The following PTPRG variants were observed in gnomAD, a reference collection of about 807,000 sequenced individuals.
PTPRG encodes the protein protein tyrosine phosphatase receptor type G.
A neutral mutation model predicts 165.3 loss-of-function variants in PTPRG; 102 were observed. The observed-to-expected ratio is 0.62, with a 90% CI of 0.53 to 0.73. The LOEUF (loss-of-function observed/expected upper bound fraction) is 0.73, where lower values mean the gene tolerates loss of function less well. Among genes scored for constraint, PTPRG ranks in the 30% least tolerant of loss-of-function variants. The pLI is 0.00. For missense variants in PTPRG, 1,866 were observed against 1,861.4 expected, an observed-to-expected ratio of 1.00 and a Z score of -0.05; for synonymous variants, 675 against 669.5, an observed-to-expected ratio of 1.01 and a Z score of -0.13.
At chr3:62,031,292 A>G (rs1699761323) in intron 4 of PTPRG, among the ~76,000 whole-genome samples, 2 of 152,216 alleles carry the variant, frequency 1.3e-5, no homozygotes, top group African/African-American at 4.8e-5. Context: ...GTTTACTTCC[A>G]AAGAAGAGTG....
At chr3:61,657,784 A>G (rs2107011369) in intron 1 of PTPRG, among the ~76,000 whole-genome samples, 1 of 152,342 alleles carries the variant, frequency 6.6e-6, no homozygotes, top group African/African-American at 2.4e-5. Context: ...TCCCACGCTT[A>G]AAAAGTGGGA....
intron 2 of PTPRG, among the ~76,000 whole-genome samples, chr3:61,878,137 C>CT (rs1575745686): frequency 6.6e-6 from 1 of 152,168 alleles, no homozygotes. Context: ...CACTGAAACA[C>CT]TTAACATTTT....
At chr3:62,124,348 G>C (rs1703203676) in intron 5 of PTPRG, 1 of 1,612,500 alleles carries the variant, frequency 6.2e-7, no homozygotes, top group African/African-American at 1.3e-5. Flanking sequence ...GGTGATGCAG[G>C]CTGACAATAG....
chr3:62,148,892 G>A (rs1054519840), intron 6 of PTPRG, among the ~76,000 whole-genome samples: 13 of 152,160 alleles, frequency 8.5e-5, no homozygotes, highest in Non-Finnish European at 1.5e-4. Context: ...AGAAAGATGG[G>A]CATAAGGAGA....
chr3:62,271,215 C>G lies in PTPRG; in HGVS notation c.3010-168C>G, dbSNP rs563349768. 1.3e-5 allele frequency among the ~76,000 whole-genome samples: 2 copies of G among 152,318 alleles called. No homozygotes were observed. Among genetic ancestry groups the G allele is most frequent in the African/African-American group, 4.8e-5 (2 of 41,570 alleles). ...CACTTCATATCCAGCTTGGTAATGTCTCCAATTTAATGGCATGAAAGTTGG... is the reference window on the plus strand; with the variant it reads ...CACTTCATATCCAGCTTGGTAATGTGTCCAATTTAATGGCATGAAAGTTGG... On this transcript the variant is annotated intron_variant, in intron 20 of 29. Coordinates refer to ENST00000474889, the MANE Select transcript of PTPRG (RefSeq NM_002841.4). The surrounding 1 kb of genome is among the most constrained non-coding windows in gnomAD (Gnocchi z 4.1).
intron 2 of PTPRG, among the ~76,000 whole-genome samples, chr3:61,902,620 T>C (rs1264245108): frequency 2.6e-5 from 4 of 152,318 alleles, no homozygotes; most frequent in Admixed American, 2.0e-4. Context: ...AAAGCACTTA[T>C]ATCATAAATT....
intron 2 of PTPRG, among the ~76,000 whole-genome samples, chr3:61,935,044 T>C (rs529655467): frequency 7.9e-5 from 12 of 152,146 alleles, no homozygotes; most frequent in Non-Finnish European, 1.3e-4. Context: ...ATTCCAGGGG[T>C]TTACAGACAT....
At chr3:61,652,588 C>G (rs772830560) in intron 1 of PTPRG, among the ~76,000 whole-genome samples, 1 of 99,426 alleles carries the variant, frequency 1.0e-5, no homozygotes, top group South Asian at 4.4e-4. Context: ...CCTCTAGTTA[C>G]AATATTTTAA....
intron 16 of PTPRG, among the ~76,000 whole-genome samples, chr3:62,256,734 C>A (rs1257424195): frequency 6.6e-6 from 1 of 152,144 alleles, no homozygotes; most frequent in African/African-American, 2.4e-5. Flanking sequence ...TGATCAAATG[C>A]AACTCCAGTT....
At chr3:61,846,582 T>A (rs2036811556) in intron 2 of PTPRG, among the ~76,000 whole-genome samples, 1 of 152,212 alleles carries the variant, frequency 6.6e-6, no homozygotes, top group Admixed American at 6.5e-5. Context: ...CCACAGTACC[T>A]AGAACACAGC....
At chr3:62,156,401 T>A (rs1704538491) in intron 6 of PTPRG, among the ~76,000 whole-genome samples, 1 of 152,236 alleles carries the variant, frequency 6.6e-6, no homozygotes, top group Non-Finnish European at 1.5e-5. Flanking sequence ...GGTCTGAACT[T>A]AAATATCATT....
At chr3:62,061,412 CATCTCCGGTAGACTT>C (rs1700806368) in intron 4 of PTPRG, among the ~76,000 whole-genome samples, 1 of 20,552 alleles carries the variant, frequency 4.9e-5, no homozygotes, top group Admixed American at 3.5e-4. Context: ...TGGTTGACAC[CATCTCCGGTAGACTT>C]TTGTCTTCAT....
At chr3:62,283,160 G>GTGTT (rs929770453) in intron 28 of PTPRG, among the ~76,000 whole-genome samples, 58 of 152,210 alleles carry the variant, frequency 3.8e-4, no homozygotes, top group African/African-American at 1.3e-3. Flanking sequence ...GAGGTGTTAT[G>GTGTT]TGTTAGTAAC....
chr3:61,908,946 T>G (rs2038728991), intron 2 of PTPRG, among the ~76,000 whole-genome samples: 1 of 152,192 alleles, frequency 6.6e-6, no homozygotes, highest in Non-Finnish European at 1.5e-5. Flanking sequence ...TTCCTACTGT[T>G]CCTTTCACTG....
In PTPRG at chr3:61,623,796, C is replaced by G. The variant is rs78168046; in HGVS notation, c.85+61424C>G. ...TTGTAGAAGTCACATACAGGGCTACCTGTGAAAGGCTTCACCTGTTTGAGG... is the reference window on the plus strand; with the variant it reads ...TTGTAGAAGTCACATACAGGGCTACGTGTGAAAGGCTTCACCTGTTTGAGG... On this transcript the variant is annotated intron_variant, in intron 1 of 29. Coordinates refer to ENST00000474889, the MANE Select transcript of PTPRG (RefSeq NM_002841.4). Among the ~76,000 whole-genome samples the G allele has an allele frequency of 9.5e-3, 1,447 of 152,240 alleles. 24 individuals carry two copies. Among genetic ancestry groups the G allele is most frequent in the African/African-American group, 0.033 (1,375 of 41,540 alleles).
chr3:62,108,763 T>A, intron 5 of PTPRG, among the ~76,000 whole-genome samples: 1 of 152,206 alleles, frequency 6.6e-6, no homozygotes, highest in Non-Finnish European at 1.5e-5. Flanking sequence ...GGTATCTCAT[T>A]GTGGTTTTGA....
chr3:62,209,440 A>G (rs1232325561), intron 12 of PTPRG, among the ~76,000 whole-genome samples: 3 of 152,234 alleles, frequency 2.0e-5, no homozygotes, highest in African/African-American at 4.8e-5. Flanking sequence ...AAAGACAAAA[A>G]TAAGTACCAG....
chr3:61,724,548 A>C (rs1395778856), intron 1 of PTPRG, among the ~76,000 whole-genome samples: 1 of 152,032 alleles, frequency 6.6e-6, no homozygotes, highest in African/African-American at 2.4e-5. Flanking sequence ...TGTATATTTA[A>C]GTTTTTTTTA....
At chr3:61,640,541 C>T (rs1056129735) in intron 1 of PTPRG, among the ~76,000 whole-genome samples, 1 of 152,176 alleles carries the variant, frequency 6.6e-6, no homozygotes, top group Non-Finnish European at 1.5e-5. Context: ...GGGAGGTACT[C>T]TTATCCCATT....
Sources: allele counts gnomAD v4.1 joint callset (sites outside exome capture counted in the v4.1 genomes callset), GRCh38; gene constraint gnomAD v4.1.1; non-coding constraint Gnocchi (gnomAD v3.1); transcripts MANE v1.5; gene names NCBI Gene and HGNC (gene_info 2026-07-23, HGNC 2026-07-21).